The following SLCO3A1 variants were observed in gnomAD, a reference collection of about 807,000 sequenced individuals.
SLCO3A1 encodes the protein PGE1 transporter.
SLCO3A1 carries 27 observed loss-of-function variants against 63.1 expected under a neutral mutation model. The observed-to-expected ratio is 0.43, with a 90% CI of 0.32 to 0.59. The LOEUF (loss-of-function observed/expected upper bound fraction) is 0.59. Ranked by LOEUF, SLCO3A1 falls within the 20% of genes least tolerant of loss-of-function variation. SLCO3A1 has a pLI of 0.09. For synonymous variants in SLCO3A1, 473 were observed against 409.9 expected (o/e 1.15, Z -1.86); for missense variants, 773 against 945.8 (o/e 0.82, Z 2.40).
intron 2 of SLCO3A1, among the ~76,000 whole-genome samples, chr15:91,989,458 C>T (rs368481089): frequency 8.5e-5 from 13 of 152,080 alleles, no homozygotes; most frequent in African/African-American, 1.4e-4. Flanking sequence ...ATATGGATTG[C>T]GTGATTGAAT....
chr15:92,152,506 G>A (rs568950846), intron 9 of SLCO3A1, among the ~76,000 whole-genome samples: 19 of 152,240 alleles, frequency 1.2e-4, no homozygotes, highest in South Asian at 1.0e-3. Flanking sequence ...CAAGTTCAGC[G>A]CTAATTCAAA....
rs1555427631 is a variant in SLCO3A1, at chr15:92,047,419, T to TAATATATAAATATATATACA, written c.647-47452_647-47433dup. 4.1e-4 allele frequency among the ~76,000 whole-genome samples: 12 copies of TAATATATAAATATATATACA among 29,412 alleles called. 2 individuals carry two copies. Among genetic ancestry groups the TAATATATAAATATATATACA allele is most frequent in the African/African-American group, 1.2e-3 (12 of 9,894 alleles). 19.3% of individuals were successfully genotyped at this position (29,412 alleles called of 152,430 possible). On this transcript the variant is annotated intron_variant, in intron 2 of 9. Coordinates refer to ENST00000318445, the MANE Select transcript of SLCO3A1 (RefSeq NM_013272.4). ...ATAAATATATATACAAATATATATATAATATATAAATATATATACAAATAT... is the reference window on the plus strand; with the variant it reads ...ATAAATATATATACAAATATATATATAATATATAAATATATATACAAATATATAAATATATATACAAATAT...
chr15:91,911,503 T>C (rs1008837201), intron 1 of SLCO3A1, among the ~76,000 whole-genome samples: 10 of 152,262 alleles, frequency 6.6e-5, no homozygotes, highest in Admixed American at 5.2e-4. Context: ...GTTGAGAACC[T>C]TGGTTCTAGA....
chr15:91,916,940 T>G lies in SLCO3A1; in HGVS notation c.646+482T>G, dbSNP rs1898682738. On this transcript the variant is annotated intron_variant, in intron 2 of 9. Transcript: ENST00000318445. This position sits in a 1 kb window ranked among gnomAD's most constrained non-coding sequence, Gnocchi z 6.2. Reference sequence around the variant, plus strand: ...TTCGAAGTTGGTGACTTCCGGTAATTTTTTCAATAATGGAAGTATGCATGG... The same window carrying G: ...TTCGAAGTTGGTGACTTCCGGTAATGTTTTCAATAATGGAAGTATGCATGG... Among the ~76,000 whole-genome samples the G allele has an allele frequency of 1.3e-5, 2 of 152,182 alleles. No homozygotes were observed. The highest frequency in any genetic ancestry group is 1.3e-4 in the Admixed American group (2 of 15,282).
At chr15:91,935,358 T>C (rs1899373338) in intron 2 of SLCO3A1, among the ~76,000 whole-genome samples, 1 of 152,114 alleles carries the variant, frequency 6.6e-6, no homozygotes, top group South Asian at 2.1e-4. Flanking sequence ...GTAAATGTGG[T>C]GTAATTCTCC....
At chr15:91,964,131 G>A (rs1197194966) in intron 2 of SLCO3A1, among the ~76,000 whole-genome samples, 1 of 152,128 alleles carries the variant, frequency 6.6e-6, no homozygotes, top group East Asian at 1.9e-4. Flanking sequence ...TATGGGTGGG[G>A]AACCTACTTG....
intron 1 of SLCO3A1, among the ~76,000 whole-genome samples, chr15:91,913,398 A>G (rs772155211): frequency 6.6e-6 from 1 of 152,206 alleles, no homozygotes; most frequent in Admixed American, 6.5e-5. Context: ...GAGCTTTGAA[A>G]GCGTCCTAGG....
rs1596118914 is a variant in SLCO3A1, at chr15:92,120,643, C to A, written c.1174+14C>A. On this transcript the variant is annotated intron_variant, in intron 5 of 9. Coordinates refer to ENST00000318445, the MANE Select transcript of SLCO3A1 (RefSeq NM_013272.4). ...ACCAGCTGCTTGGTGAGTGTGTCCT[C>A]AGGCCTCCTGAGAGGGTCGGGGGAG... is the stretch of plus-strand genomic sequence containing the variant. The A allele has an allele frequency of 6.2e-7, 1 of 1,612,254 alleles. No homozygotes were observed. The highest frequency in any genetic ancestry group is 8.5e-7 in the Non-Finnish European group (1 of 1,178,934).
At chr15:91,987,575 C>G (rs2046069852) in intron 2 of SLCO3A1, among the ~76,000 whole-genome samples, 1 of 151,922 alleles carries the variant, frequency 6.6e-6, no homozygotes, top group Admixed American at 6.6e-5. Flanking sequence ...AACTCCGTCT[C>G]TACTAGAAGC....
At position 91,995,909 on chromosome 15, in the gene SLCO3A1, A is replaced by G. The variant is rs529970299; in HGVS notation, c.646+79451A>G. ...ATTCTGATAAAGAATGTCTACAAAAATATTCAAGAACCAAACACATGGTTA... is the reference window on the plus strand; with the variant it reads ...ATTCTGATAAAGAATGTCTACAAAAGTATTCAAGAACCAAACACATGGTTA... On this transcript the variant is annotated intron_variant, in intron 2 of 9. Transcript: ENST00000318445. Among the ~76,000 whole-genome samples, 6 of 152,302 alleles carry G rather than the reference A, an allele frequency of 3.9e-5. No individual in the cohort carries two copies. The East Asian group carries it at 7.7e-4, about 20-fold the overall frequency.
At chr15:91,994,878 A>T (rs1025066845) in intron 2 of SLCO3A1, among the ~76,000 whole-genome samples, 4 of 152,156 alleles carry the variant, frequency 2.6e-5, no homozygotes, top group Non-Finnish European at 5.9e-5. Flanking sequence ...CCTTGCCTGG[A>T]TGCTGCTGCT....
At chr15:92,038,289 C>A (rs1373074599) in intron 2 of SLCO3A1, among the ~76,000 whole-genome samples, 1 of 152,146 alleles carries the variant, frequency 6.6e-6, no homozygotes, top group African/African-American at 2.4e-5. Context: ...TTACAAAATT[C>A]TGTACCAGTG....
chr15:91,942,821 T>C lies in SLCO3A1; in HGVS notation c.646+26363T>C, dbSNP rs1899669524. On this transcript the variant is annotated intron_variant, in intron 2 of 9. Transcript: ENST00000318445. The surrounding 1 kb of genome is among the most constrained non-coding windows in gnomAD (Gnocchi z 4.1). ...AAGTGATCAGGTCACTGATCACTCC[T>C]CCCAAGGAGCTGGAATTACAGGCAT... Among the ~76,000 whole-genome samples, 1 of 152,136 alleles carries C rather than the reference T, an allele frequency of 6.6e-6. No individual in the cohort carries two copies. Among genetic ancestry groups the C allele is most frequent in the Non-Finnish European group, 1.5e-5 (1 of 68,024 alleles).
rs1239541571 is a variant in SLCO3A1, at chr15:92,138,773, G to C, written c.1513-8211G>C. Among the ~76,000 whole-genome samples the C allele has an allele frequency of 8.3e-5, 7 of 84,750 alleles. 1 individual carries two copies. The highest frequency in any genetic ancestry group is 1.5e-4 in the African/African-American group (2 of 13,352). 55.6% of individuals were successfully genotyped at this position (84,750 alleles called of 152,430 possible). ...GAGTTCACTCATGATTTGGCTCTCT[G>C]TTTGTCTGTTGTTGGTGTATAAGAA... On this transcript the variant is annotated intron_variant, in intron 7 of 9. Coordinates refer to ENST00000318445, the MANE Select transcript of SLCO3A1 (RefSeq NM_013272.4).
intron 4 of SLCO3A1, among the ~76,000 whole-genome samples, chr15:92,105,579 G>A (rs2047658103): frequency 1.3e-5 from 2 of 152,170 alleles, no homozygotes; most frequent in Admixed American, 6.5e-5. Flanking sequence ...AAATGACAAG[G>A]AGCTGAATGT....
chr15:91,889,054 T>A (rs1897802265), intron 1 of SLCO3A1: 1 of 715,598 alleles, frequency 1.4e-6, no homozygotes, highest in Non-Finnish European at 1.8e-6. Context: ...AACCTACAAT[T>A]ATTACTAGCT....
chr15:91,946,492 A>G (rs532025545), intron 2 of SLCO3A1, among the ~76,000 whole-genome samples: 65 of 152,366 alleles, frequency 4.3e-4, no homozygotes, highest in Non-Finnish European at 8.4e-4. Flanking sequence ...AGTGGCCAGT[A>G]TGTAGGGAAA....
At chr15:92,013,243 A>T (rs1008634688) in intron 2 of SLCO3A1, among the ~76,000 whole-genome samples, 1 of 152,212 alleles carries the variant, frequency 6.6e-6, no homozygotes, top group African/African-American at 2.4e-5. Flanking sequence ...CTAATTACTC[A>T]TCAGTTCTCT....
At position 91,882,711 on chromosome 15, in the gene SLCO3A1, A is replaced by G. The variant is rs978986701; in HGVS notation, c.180+28623A>G. Among the ~76,000 whole-genome samples, 6 of 152,118 alleles carry G rather than the reference A, an allele frequency of 3.9e-5. No individual in the cohort carries two copies. The highest frequency in any genetic ancestry group is 2.6e-4 in the Admixed American group (4 of 15,270). On this transcript the variant is annotated intron_variant, in intron 1 of 9. Coordinates refer to ENST00000318445, the MANE Select transcript of SLCO3A1 (RefSeq NM_013272.4). This position sits in a 1 kb window ranked among gnomAD's most constrained non-coding sequence, Gnocchi z 4.4. ...ACTTTTTTGTATTTTTAGTAGAGAC[A>G]GGGTTTCACCATGTTGGCCAGGCTG...
Sources: gnomAD v4.1 joint callset for allele counts (sites outside exome capture counted in the v4.1 genomes callset) on GRCh38, gnomAD v4.1.1 for gene constraint, Gnocchi (gnomAD v3.1) non-coding constraint, MANE v1.5 for transcripts, NCBI Gene and HGNC (gene_info 2026-07-23, HGNC 2026-07-21) for gene names.